The following LRRTM3 variants were observed in gnomAD, a reference collection of about 807,000 sequenced individuals.
LRRTM3 encodes the protein leucine rich repeat transmembrane neuronal 3, also known as leucine-rich repeat transmembrane neuronal protein 3.
A neutral mutation model predicts 44.7 loss-of-function variants in LRRTM3; 24 were observed. That is an observed-to-expected ratio of 0.54 (90% CI 0.39 to 0.76). The LOEUF is 0.76. LRRTM3 is among the 30% of genes least tolerant of loss of function. LRRTM3 has a pLI of 0.00. For missense variants in LRRTM3, 587 were observed against 702.2 expected (o/e 0.84, Z 1.85); for synonymous variants, 277 against 278.7 (o/e 0.99, Z 0.06).
chr10:67,073,975 G>C (rs903252804), intron 2 of LRRTM3, among the ~76,000 whole-genome samples: 1 of 150,800 alleles, frequency 6.6e-6, no homozygotes, highest in African/African-American at 2.4e-5. Flanking sequence ...TATTTATTTC[G>C]CACAGCTACA....
rs1564794051 is a variant in LRRTM3, at chr10:66,957,443, C to CATATATATATGCAT, written c.1536+29001_1536+29002insGCATATATATATAT. Among the ~76,000 whole-genome samples the CATATATATATGCAT allele has an allele frequency of 6.0e-3, 132 of 22,160 alleles. 5 individuals carry two copies. Among genetic ancestry groups the CATATATATATGCAT allele is most frequent in the Middle Eastern group, 0.031 (1 of 32 alleles). 14.5% of individuals were successfully genotyped at this position (22,160 alleles called of 152,430 possible). A position where few individuals can be genotyped will look rare whatever the true frequency, so the allele number is the denominator to read the frequency against. Reference sequence around the variant, plus strand: ...ATATATATATGCATATATATATATGCATATATATATATGCATATATATATA... The same window carrying CATATATATATGCAT: ...ATATATATATGCATATATATATATGCATATATATATGCATATATATATATATGCATATATATATA... On this transcript the variant is annotated intron_variant, in intron 2 of 2. Transcript: ENST00000361320.
At chr10:67,075,176 A>G (rs569046688) in intron 2 of LRRTM3, among the ~76,000 whole-genome samples, 1 of 152,008 alleles carries the variant, frequency 6.6e-6, no homozygotes, top group Admixed American at 6.5e-5. Flanking sequence ...TTCTGCACAC[A>G]CACACACACA....
chr10:67,047,881 A>G (rs1176624951), intron 2 of LRRTM3, among the ~76,000 whole-genome samples: 1 of 152,074 alleles, frequency 6.6e-6, no homozygotes, highest in East Asian at 1.9e-4. Flanking sequence ...AAAAACAAAA[A>G]AACAAAACAA....
At chr10:67,063,358 G>A (rs1434964088) in intron 2 of LRRTM3, among the ~76,000 whole-genome samples, 1 of 152,176 alleles carries the variant, frequency 6.6e-6, no homozygotes, top group Non-Finnish European at 1.5e-5. Context: ...AATCAAACTA[G>A]ATAAAGCTGA....
At position 67,097,853 on chromosome 10, in the gene LRRTM3, T is replaced by G; in HGVS notation, c.*57T>G. 1 of 1,486,378 alleles carries G rather than the reference T, an allele frequency of 6.7e-7. No individual in the cohort carries two copies. The highest frequency in any genetic ancestry group is 9.4e-7 in the Non-Finnish European group (1 of 1,066,890). 92.1% of individuals were successfully genotyped at this position (1,486,378 alleles called of 1,614,324 possible). Reference sequence around the variant, plus strand: ...AAACTTTGTAACCTCAAGGACAAAATGAGGAAGATGTGTTCATTGTGGACT... The same window carrying G: ...AAACTTTGTAACCTCAAGGACAAAAGGAGGAAGATGTGTTCATTGTGGACT... On this transcript the variant is annotated 3_prime_UTR_variant, in exon 3 of 3. Coordinates refer to ENST00000361320, the MANE Select transcript of LRRTM3 (RefSeq NM_178011.5).
At chr10:66,992,914 C>T (rs533539569) in intron 2 of LRRTM3, among the ~76,000 whole-genome samples, 6 of 152,040 alleles carry the variant, frequency 3.9e-5, no homozygotes, top group East Asian at 1.9e-4. Flanking sequence ...TTTTGTATCC[C>T]GGTACTATTA....
intron 2 of LRRTM3, among the ~76,000 whole-genome samples, chr10:67,082,064 C>T (rs1857085110): frequency 6.6e-6 from 1 of 152,072 alleles, no homozygotes; most frequent in African/African-American, 2.4e-5. Context: ...AAGCTGGACC[C>T]AAAGTTGATT....
chr10:67,006,994 C>T (rs906215718), intron 2 of LRRTM3, among the ~76,000 whole-genome samples: 69 of 152,206 alleles, frequency 4.5e-4, no homozygotes, highest in Non-Finnish European at 9.7e-4. Context: ...TGGGGTTTCA[C>T]CATGTTGGCC....
chr10:66,951,904 T>C (rs1448600990), intron 2 of LRRTM3, among the ~76,000 whole-genome samples: 1 of 152,158 alleles, frequency 6.6e-6, no homozygotes, highest in Non-Finnish European at 1.5e-5. Context: ...AGCCCTAAAA[T>C]AACAGTGAAC....
intron 2 of LRRTM3, among the ~76,000 whole-genome samples, chr10:66,979,577 GGAA>G (rs2132872268): frequency 6.6e-6 from 1 of 152,176 alleles, no homozygotes; most frequent in South Asian, 2.1e-4. Context: ...CATGCGACCT[GGAA>G]GAATTTGTTA....
intron 2 of LRRTM3, among the ~76,000 whole-genome samples, chr10:67,022,594 A>C (rs1853094458): frequency 6.6e-6 from 1 of 152,202 alleles, no homozygotes; most frequent in African/African-American, 2.4e-5. Flanking sequence ...GTCAATATAC[A>C]AAGGTAAGTA....
intron 2 of LRRTM3, among the ~76,000 whole-genome samples, chr10:67,057,448 T>C (rs1357230873): frequency 2.0e-5 from 3 of 152,158 alleles, no homozygotes; most frequent in Admixed American, 1.3e-4. Context: ...CCCTGCTACC[T>C]ACCCTTCTAC....
chr10:67,022,981 T>C (rs1853125578), intron 2 of LRRTM3, among the ~76,000 whole-genome samples: 2 of 151,994 alleles, frequency 1.3e-5, no homozygotes, highest in South Asian at 4.1e-4. Context: ...CAAAATTTTC[T>C]GAGTGAAATT....
chr10:67,001,069 G>A (rs1419528188), intron 2 of LRRTM3, among the ~76,000 whole-genome samples: 5 of 152,100 alleles, frequency 3.3e-5, no homozygotes, highest in South Asian at 4.2e-4. Flanking sequence ...TTGGGAGGCC[G>A]AGGTGGGTGG....
At chr10:66,970,758 A>AT (rs1849674460) in intron 2 of LRRTM3, among the ~76,000 whole-genome samples, 1 of 152,142 alleles carries the variant, frequency 6.6e-6, no homozygotes, top group Non-Finnish European at 1.5e-5. Flanking sequence ...ATTTCAAAAG[A>AT]TAACAAATGA....
chr10:67,099,403 A>C lies in LRRTM3; in HGVS notation c.*1607A>C, dbSNP rs116597061. On this transcript the variant is annotated 3_prime_UTR_variant, in exon 3 of 3. Coordinates refer to ENST00000361320, the MANE Select transcript of LRRTM3 (RefSeq NM_178011.5). ...CTTTTTATGTTGTCATTTTATATTC[A>C]TGCCATCAAAAGTAGATTGACAATA... The C allele has an allele frequency of 1.8e-3, 280 of 151,754 alleles. 1 individual carries two copies. Among genetic ancestry groups the C allele is most frequent in the African/African-American group, 6.4e-3 (264 of 41,456 alleles). 9.4% of individuals were successfully genotyped at this position (151,754 alleles called of 1,614,324 possible).
At chr10:66,999,007 GAC>G (rs1851528366) in intron 2 of LRRTM3, among the ~76,000 whole-genome samples, 1 of 151,922 alleles carries the variant, frequency 6.6e-6, no homozygotes, top group South Asian at 2.1e-4. Flanking sequence ...GTGCATATAA[GAC>G]AATTAAATTA....
At chr10:66,981,547 A>G (rs546158271) in intron 2 of LRRTM3, among the ~76,000 whole-genome samples, 1 of 152,248 alleles carries the variant, frequency 6.6e-6, no homozygotes, top group African/African-American at 2.4e-5. Context: ...CTTCTGGCCA[A>G]CTTCCATAGC....
At chr10:67,017,553 A>T (rs1336474825) in intron 2 of LRRTM3, among the ~76,000 whole-genome samples, 2 of 152,198 alleles carry the variant, frequency 1.3e-5, no homozygotes, top group Non-Finnish European at 2.9e-5. Flanking sequence ...GCCTTTAAGA[A>T]ATATACTGTG....
Sources: gnomAD v4.1 joint callset for allele counts (sites outside exome capture counted in the v4.1 genomes callset) on GRCh38, gnomAD v4.1.1 for gene constraint, MANE v1.5 for transcripts, NCBI Gene and HGNC (gene_info 2026-07-23, HGNC 2026-07-21) for gene names.